Variants in RNASEH2B observed in about 807,000 individuals in gnomAD.
The protein encoded by RNASEH2B is Aicardi-Goutieres syndrome 2 protein.
Under a neutral mutation model 45.0 loss-of-function variants are expected in RNASEH2B, and 36 were observed. The observed-to-expected ratio is 0.80, with a 90% CI of 0.61 to 1.06. The LOEUF (loss-of-function observed/expected upper bound fraction) is 1.06, where lower values mean the gene tolerates loss of function less well. Among genes scored for constraint, RNASEH2B ranks in the 50% least tolerant of loss-of-function variants. RNASEH2B has a pLI of 0.00. For synonymous variants in RNASEH2B, 119 were observed against 125.7 expected (o/e 0.95, Z 0.35); for missense variants, 361 against 360.3 (o/e 1.00, Z -0.02).
In RNASEH2B at chr13:50,926,065, C is replaced by T. The variant is rs548816735; in HGVS notation, c.65-1342C>T. Among the ~76,000 whole-genome samples, 33 of 151,514 alleles carry T rather than the reference C, an allele frequency of 2.2e-4. No homozygotes were observed. In the South Asian group the frequency reaches 6.0e-3, roughly 28 times the overall value. ...AGAATAGTTGTTTCATATATTTTGT[C>T]TGGTGTTTTGTGGGTTTTTGTTGTT... On this transcript the variant is annotated intron_variant, in intron 1 of 10. Transcript: ENST00000336617.
chr13:50,909,763 G>T, upstream of RNASEH2B: 1 of 268,574 alleles, frequency 3.7e-6, no homozygotes. Context: ...GTCACTCGGC[G>T]CCCTGCGGCG....
intron 1 of RNASEH2B, among the ~76,000 whole-genome samples, chr13:50,917,518 G>A (rs1879811453): frequency 6.6e-6 from 1 of 152,216 alleles, no homozygotes; most frequent in Non-Finnish European, 1.5e-5. Context: ...ACTTCTAGCT[G>A]TTATAACTTT....
chr13:50,915,611 G>T, intron 1 of RNASEH2B: 1 of 396,532 alleles, frequency 2.5e-6, no homozygotes, highest in Non-Finnish European at 4.4e-6. Context: ...TCCCTGAGTG[G>T]CCATTTCGCT....
intron 1 of RNASEH2B, among the ~76,000 whole-genome samples, chr13:50,915,667 A>G (rs1277365709): frequency 6.6e-6 from 1 of 152,238 alleles, no homozygotes; most frequent in Non-Finnish European, 1.5e-5. Context: ...CACAACCTCC[A>G]AACAGTAGAG....
chr13:50,963,263 C>A (rs1239600785), intron 9 of RNASEH2B, among the ~76,000 whole-genome samples: 1 of 152,102 alleles, frequency 6.6e-6, no homozygotes, highest in African/African-American at 2.4e-5. Context: ...CTCCCGGGTT[C>A]AAGTGATTCA....
At chr13:50,938,150 G>GTTC (rs1951782629) in intron 5 of RNASEH2B, 1 of 152,124 alleles carries the variant, frequency 6.6e-6, no homozygotes, top group Non-Finnish European at 1.5e-5. Context: ...TTGGATAATG[G>GTTC]AATAAAAACA....
chr13:50,965,911 A>G (rs914059796), intron 9 of RNASEH2B, among the ~76,000 whole-genome samples: 1 of 152,204 alleles, frequency 6.6e-6, no homozygotes, highest in African/African-American at 2.4e-5. Flanking sequence ...AACTCTTTGT[A>G]TTCACAGAGG....
intron 5 of RNASEH2B, chr13:50,937,107 C>G (rs1403209963): frequency 6.6e-6 from 1 of 152,126 alleles, no homozygotes; most frequent in African/African-American, 2.4e-5. Context: ...TATTCAATCT[C>G]TAGAGGTTTG....
chr13:50,968,462 G>A (rs577108306), intron 9 of RNASEH2B, among the ~76,000 whole-genome samples: 1 of 152,222 alleles, frequency 6.6e-6, no homozygotes, highest in South Asian at 2.1e-4. Flanking sequence ...ACCAGAAAGA[G>A]GTGGTATCCT....
At position 50,910,140 on chromosome 13, in the gene RNASEH2B, G is replaced by T; in HGVS notation, c.64G>T (p.Glu22Ter). 1 of 1,443,476 alleles carries T rather than the reference G, an allele frequency of 6.9e-7. No individual in the cohort carries two copies. The allele number at this position is 1,443,476 out of a possible 1,614,324, so 89.4% of individuals were successfully genotyped here. The change falls in exon 1 of 11, where the codon GAA becomes TAA. Residue 22 changes from glutamate (E) to a stop codon, truncating the protein, a stop_gained and splice_region_variant. Transcript: ENST00000336617. LOFTEE classifies it high-confidence loss of function. ...GARQHVFLVS[E>*]YLKDASKKMK... is the part of the protein sequence containing the mutation. Reference sequence around the variant, plus strand: ...CCGGCAGCACGTGTTCCTGGTTTCAGGTAAACACGCGCGCCCGGGCGGCGG... The same window carrying T: ...CCGGCAGCACGTGTTCCTGGTTTCATGTAAACACGCGCGCCCGGGCGGCGG...
intron 8 of RNASEH2B, chr13:50,948,983 T>C (rs1951941475): frequency 6.2e-6 from 1 of 161,270 alleles, no homozygotes; most frequent in Non-Finnish European, 1.4e-5. Context: ...ATTGTTTGTA[T>C]AGATTCCTTT....
At chr13:50,967,943 C>T (rs964436559) in intron 9 of RNASEH2B, among the ~76,000 whole-genome samples, 1 of 152,142 alleles carries the variant, frequency 6.6e-6, no homozygotes, top group Non-Finnish European at 1.5e-5. Context: ...TGTTTATGAG[C>T]TTTGTCCTCA....
intron 1 of RNASEH2B, among the ~76,000 whole-genome samples, chr13:50,919,088 C>CT (rs1396653017): frequency 6.6e-6 from 1 of 152,182 alleles, no homozygotes; most frequent in African/African-American, 2.4e-5. Context: ...GTGTCCATTG[C>CT]TTCCAAGTCA....
chr13:50,950,699 C>T (rs969482816), intron 9 of RNASEH2B: 3 of 152,196 alleles, frequency 2.0e-5, no homozygotes, highest in African/African-American at 7.2e-5. Flanking sequence ...TCCCAAATAT[C>T]TATCTTCCTT....
intron 4 of RNASEH2B, chr13:50,934,677 G>T: frequency 1.7e-6 from 1 of 590,944 alleles, no homozygotes; most frequent in Non-Finnish European, 3.0e-6. Context: ...ATGGTGTGCT[G>T]TGTGGGACTC....
chr13:50,945,968 C>A (rs1566087433), intron 7 of RNASEH2B, among the ~76,000 whole-genome samples: 1 of 152,112 alleles, frequency 6.6e-6, no homozygotes, highest in Non-Finnish European at 1.5e-5. Context: ...GTCTCTGAAG[C>A]CCACACTTGT....
chr13:50,924,182 A>G (rs1407547812), intron 1 of RNASEH2B, among the ~76,000 whole-genome samples: 4 of 152,178 alleles, frequency 2.6e-5, no homozygotes, highest in African/African-American at 9.7e-5. Flanking sequence ...TACCTTATCC[A>G]TAATTATATT....
Position 50,909,951 on chromosome 13 carries a change from G to A in RNASEH2B, c.-126G>A. On this transcript the variant is annotated 5_prime_UTR_variant, in exon 1 of 11. Transcript: ENST00000336617. The stretch of plus-strand genomic sequence containing the variant: ...AAATTCGGTCCCTGGGCCTCCTCCC[G>A]GGCGCTGCCGGTCCCTCAGCGCGCC... 2.8e-6 allele frequency: 2 copies of A among 708,900 alleles called. No homozygotes were observed. The highest frequency in any genetic ancestry group is 4.3e-6 in the Non-Finnish European group (2 of 462,286). The allele number at this position is 708,900 out of a possible 1,614,324, so 43.9% of individuals were successfully genotyped here.
intron 9 of RNASEH2B, among the ~76,000 whole-genome samples, chr13:50,964,195 T>C (rs757789100): frequency 2.6e-5 from 4 of 152,152 alleles, no homozygotes; most frequent in Non-Finnish European, 4.4e-5. Context: ...GGAAACTCCA[T>C]CTCAAAATAA....
Sources: gnomAD v4.1 joint callset for allele counts (sites outside exome capture counted in the v4.1 genomes callset) on GRCh38, gnomAD v4.1.1 for gene constraint, MANE v1.5 for transcripts, NCBI Gene and HGNC (gene_info 2026-07-23, HGNC 2026-07-21) for gene names.